Variants in SETD5 observed in about 807,000 individuals in gnomAD.
SETD5 encodes the protein histone-lysine N-methyltransferase SETD5.
Under a neutral mutation model 153.3 loss-of-function variants are expected in SETD5, and 44 were observed. That is an observed-to-expected ratio of 0.29 (90% confidence interval 0.23 to 0.37). The LOEUF (loss-of-function observed/expected upper bound fraction) is 0.37. Ranked by LOEUF, SETD5 falls within the 10% of genes least tolerant of loss-of-function variation. The pLI is 1.00. For synonymous variants in SETD5, 716 were observed against 645.2 expected, an observed-to-expected ratio of 1.11 and a Z score of -1.66; for missense variants, 1,544 against 1,768.0, an observed-to-expected ratio of 0.87 and a Z score of 2.27.
intron 17 of SETD5, among the ~76,000 whole-genome samples, chr3:9,462,623 T>C (rs953035804): frequency 2.0e-5 from 3 of 149,540 alleles, no homozygotes; most frequent in African/African-American, 4.9e-5. Context: ...TATAGATAGA[T>C]GGGGCCAGGC....
intron 18 of SETD5, among the ~76,000 whole-genome samples, chr3:9,467,659 T>A (rs924187776): frequency 3.3e-5 from 5 of 152,080 alleles, no homozygotes; most frequent in Non-Finnish European, 7.4e-5. Context: ...ACCTCAGCCC[T>A]AGCACCCCTG....
At position 9,434,507 on chromosome 3, in the gene SETD5, A is replaced by T; in HGVS notation, c.329+22A>T. Reference sequence around the variant, plus strand: ...GCAGGTAAGATCCTGTTCCATCTAAATTTAAGTCTGGGTTGCTGGGATTAG... The same window carrying T: ...GCAGGTAAGATCCTGTTCCATCTAATTTTAAGTCTGGGTTGCTGGGATTAG... On this transcript the variant is annotated intron_variant, in intron 5 of 22. Coordinates refer to ENST00000402198, the MANE Select transcript of SETD5 (RefSeq NM_001080517.3). This position sits in a 1 kb window ranked among gnomAD's most constrained non-coding sequence, Gnocchi z 5.6. 1 of 1,613,726 alleles carries T rather than the reference A, an allele frequency of 6.2e-7. No homozygotes were observed. Among genetic ancestry groups the T allele is most frequent in the Non-Finnish European group, 8.5e-7 (1 of 1,179,730 alleles).
intron 1 of SETD5, among the ~76,000 whole-genome samples, chr3:9,415,523 G>A (rs188128599): frequency 6.6e-6 from 1 of 152,094 alleles, no homozygotes; most frequent in Admixed American, 6.5e-5. Flanking sequence ...TAACCTACTA[G>A]ACATATATTA....
At chr3:9,420,583 T>C (rs2038224080) in intron 1 of SETD5, among the ~76,000 whole-genome samples, 1 of 152,190 alleles carries the variant, frequency 6.6e-6, no homozygotes, top group South Asian at 2.1e-4. Context: ...TGCTTTAAAT[T>C]ACTAAATCAT....
In SETD5 at chr3:9,476,431, T is replaced by C. The variant is rs2045855204; in HGVS notation, c.*340T>C. ...ATCCTTGCCTGTAGCCCGTAGTCAC[T>C]TGTGCAGTGAGGACATCTTTTTAAA... On this transcript the variant is annotated 3_prime_UTR_variant, in exon 23 of 23. Transcript: ENST00000402198. 4.9e-6 allele frequency: 1 copy of C among 205,924 alleles called. No homozygotes were observed. Among genetic ancestry groups the C allele is most frequent in the African/African-American group, 2.3e-5 (1 of 43,072 alleles). 12.8% of individuals were successfully genotyped at this position (205,924 alleles called of 1,614,324 possible).
intron 18 of SETD5, 90 bp from the exon 19 acceptor site, chr3:9,470,369 G>A (rs1238551124): frequency 6.5e-6 from 6 of 929,510 alleles, no homozygotes; most frequent in African/African-American, 1.6e-5. Flanking sequence ...ATCTTTCCCT[G>A]TTCACCTGTG....
intron 1 of SETD5, among the ~76,000 whole-genome samples, chr3:9,403,653 T>TC (rs1043897708): frequency 1.9e-4 from 29 of 152,282 alleles, no homozygotes; most frequent in African/African-American, 7.0e-4. Context: ...GATTACTCCC[T>TC]CCCCCACCTT....
At chr3:9,472,308 T>G (rs557144162) in intron 19 of SETD5, among the ~76,000 whole-genome samples, 1 of 152,180 alleles carries the variant, frequency 6.6e-6, no homozygotes, top group South Asian at 2.1e-4. Flanking sequence ...CTAGAACTTA[T>G]AGTTTAGTCA....
intron 18 of SETD5, among the ~76,000 whole-genome samples, chr3:9,465,909 G>A (rs1299059832): frequency 2.6e-5 from 4 of 152,134 alleles, no homozygotes; most frequent in Admixed American, 2.6e-4. Flanking sequence ...TATCATGAGA[G>A]GAATTCTCCC....
At chr3:9,455,335 A>C (rs76791146) in intron 17 of SETD5, among the ~76,000 whole-genome samples, 1 of 151,486 alleles carries the variant, frequency 6.6e-6, no homozygotes. Context: ...CGAACTCCTG[A>C]CCTCAGGAGA....
At chr3:9,456,147 C>T (rs1005853174) in intron 17 of SETD5, among the ~76,000 whole-genome samples, 22 of 151,906 alleles carry the variant, frequency 1.4e-4, no homozygotes, top group African/African-American at 5.1e-4. Flanking sequence ...ACTTGAAAAC[C>T]AGCTGTCCCC....
chr3:9,447,744 G>A lies in SETD5; in HGVS notation c.1841G>A (p.Arg614Gln), dbSNP rs944986670. The A allele has an allele frequency of 3.7e-6, 6 of 1,613,914 alleles. No homozygotes were observed. Among genetic ancestry groups the A allele is most frequent in the Admixed American group, 1.7e-5 (1 of 60,014 alleles). Residue 614 changes from arginine (R) to glutamine (Q), a missense_variant, in exon 15 of 23, where the codon CGG becomes CAG. Transcript: ENST00000402198. ...CCTCCAGCAAAGCCTTCTAGGCCCC[G>A]GCCGAAGAGTCGAATTTCTCGGTAC... ...KPPPAKPSRPRPKSRISRYRT... is the reference protein window; with the variant it reads ...KPPPAKPSRPQPKSRISRYRT...
Position 9,440,518 on chromosome 3 carries a change from A to G in SETD5, c.630A>G (p.Ile210Met). 6.2e-7 allele frequency: 1 copy of G among 1,613,504 alleles called. No homozygotes were observed. The highest frequency in any genetic ancestry group is 8.5e-7 in the Non-Finnish European group (1 of 1,179,422). Residue 210 changes from isoleucine to methionine, a missense_variant, in exon 8 of 23, where the codon ATA (isoleucine) becomes ATG (methionine). This residue lies in a region of SETD5 where 251 missense variants were observed against 326.9 expected (regional missense o/e 0.77). Transcript: ENST00000402198. ...ENTTEGWENR[I>M]RLWTDQYEEA... ...CAACTGAGGGCTGGGAAAATCGGAT[A>G]AGACTATGGACTGACCAGTATGAAG...
Position 9,470,588 on chromosome 3 carries a change from C to A in SETD5, c.2854C>A (p.Pro952Thr). The change falls in exon 19 of 23, where the codon CCC (proline) becomes ACC (threonine). Residue 952 changes from proline to threonine, a missense_variant. Physicochemically the swap from Pro to Thr is conservative, Grantham distance 38 (BLOSUM62 -1). Transcript: ENST00000402198. ...CCTGGCTCCTCATCCCTCCCTCGGACCCACTTCTGAGACTGGTTTCCCAAG... is the reference window on the plus strand; with the variant it reads ...CCTGGCTCCTCATCCCTCCCTCGGAACCACTTCTGAGACTGGTTTCCCAAG... The part of the protein sequence containing the change: ...SDLAPHPSLG[P>T]TSETGFPSRS... The A allele has an allele frequency of 6.2e-7, 1 of 1,614,014 alleles. No homozygotes were observed. Among genetic ancestry groups the A allele is most frequent in the Non-Finnish European group, 8.5e-7 (1 of 1,179,888 alleles).
intron 1 of SETD5, among the ~76,000 whole-genome samples, chr3:9,404,181 AC>A (rs1444264840): frequency 6.6e-6 from 1 of 152,222 alleles, no homozygotes; most frequent in East Asian, 1.9e-4. Context: ...ACTGCATGCA[AC>A]AATAAAGGGA....
At chr3:9,457,367 A>C (rs1013315316) in intron 17 of SETD5, among the ~76,000 whole-genome samples, 3 of 152,114 alleles carry the variant, frequency 2.0e-5, no homozygotes, top group Non-Finnish European at 4.4e-5. Context: ...GGGCACTTGT[A>C]GTCCCGCTAC....
chr3:9,449,892 C>T (rs766029356), intron 16 of SETD5, among the ~76,000 whole-genome samples: 1 of 152,224 alleles, frequency 6.6e-6, no homozygotes, highest in African/African-American at 2.4e-5. Flanking sequence ...AGGATGTTAA[C>T]TGTTGAAGCA....
At chr3:9,431,306 A>G in intron 3 of SETD5, 4 of 985,416 alleles carry the variant, frequency 4.1e-6, no homozygotes, top group Non-Finnish European at 4.8e-6. Flanking sequence ...TACTTAGAAC[A>G]CTGTTGATGG....
At chr3:9,437,007 A>G in intron 7 of SETD5, 1 of 835,336 alleles carries the variant, frequency 1.2e-6, no homozygotes, top group Non-Finnish European at 1.8e-6. Context: ...ATTAGTTTGT[A>G]GTTGTTGCCA....
Sources: gnomAD v4.1 joint callset for allele counts (sites outside exome capture counted in the v4.1 genomes callset) on GRCh38, gnomAD v4.1.1 for gene constraint, gnomAD v4.1.1 regional missense constraint, Gnocchi (gnomAD v3.1) non-coding constraint, MANE v1.5 for transcripts, NCBI Gene and HGNC (gene_info 2026-07-23, HGNC 2026-07-21) for gene names.